Variants in DORIP1 observed in about 807,000 individuals in gnomAD.
DORIP1 encodes the protein dopamine receptor-interacting protein 1.
At chr14:44,897,376 G>A in the DORIP1 span, 5 of 159,370 alleles carry the variant, frequency 3.1e-5, no homozygotes, top group Non-Finnish European at 4.1e-5. Context: ...GAGCTGCTGT[G>A]GCTCCCGCCG....
the DORIP1 span, chr14:44,901,070 A>G: frequency 4.8e-6 from 5 of 1,042,028 alleles, no homozygotes; most frequent in East Asian, 1.0e-4. Flanking sequence ...AGGACCACAT[A>G]TGCCATGCTG....
chr14:44,904,785 G>C, the DORIP1 span: 1 of 312,564 alleles, frequency 3.2e-6, no homozygotes, highest in Non-Finnish European at 5.7e-6. Context: ...AGTTAACCTT[G>C]GGCCAACAAC....
the DORIP1 span, among the ~76,000 whole-genome samples, chr14:44,898,242 T>C: frequency 6.6e-6 from 1 of 152,182 alleles, no homozygotes; most frequent in Non-Finnish European, 1.5e-5. Context: ...CTCATTTTTA[T>C]TGCAATTTAC....
the DORIP1 span, among the ~76,000 whole-genome samples, chr14:44,899,517 T>G: frequency 6.6e-6 from 1 of 152,228 alleles, no homozygotes; most frequent in South Asian, 2.1e-4. Flanking sequence ...TTACTCCTCA[T>G]GCTGTCTTTC....
the DORIP1 span, chr14:44,900,920 C>T: frequency 3.1e-6 from 5 of 1,608,054 alleles, no homozygotes; most frequent in South Asian, 4.4e-5. Flanking sequence ...CGATGCCCAA[C>T]TCGAGTGCAG....
At chr14:44,905,174 T>A in the DORIP1 span, 1 of 403,494 alleles carries the variant, frequency 2.5e-6, no homozygotes, top group African/African-American at 2.1e-5. Flanking sequence ...GTTCATCTGT[T>A]AAAATATGTT....
the DORIP1 span, chr14:44,904,476 G>C: frequency 1.2e-6 from 2 of 1,611,942 alleles, no homozygotes; most frequent in Non-Finnish European, 1.7e-6. Context: ...TGCAACATTG[G>C]AAATCTGAAG....
chr14:44,898,943 ATGT>A, the DORIP1 span: 1 of 152,214 alleles, frequency 6.6e-6, no homozygotes, highest in Non-Finnish European at 1.5e-5. Flanking sequence ...TGTTGAGTTC[ATGT>A]TGTGTTTGGG....
the DORIP1 span, chr14:44,900,914 G>A: frequency 1.2e-6 from 2 of 1,609,476 alleles, no homozygotes; most frequent in African/African-American, 2.7e-5. Flanking sequence ...AACTGGCGAT[G>A]CCCAACTCGA....
At chr14:44,903,626 T>TAA in the DORIP1 span, 1 of 1,000,738 alleles carries the variant, frequency 1.0e-6, no homozygotes, top group Admixed American at 5.9e-5. Flanking sequence ...AAATGACAAC[T>TAA]AAAAAACTTA....
the DORIP1 span, chr14:44,899,151 G>T: frequency 6.6e-6 from 1 of 152,088 alleles, no homozygotes; most frequent in Non-Finnish European, 1.5e-5. Flanking sequence ...CAATACAATT[G>T]TAAAAAGAAC....
chr14:44,900,974 C>T, the DORIP1 span: 240 of 1,543,934 alleles, frequency 1.6e-4, no homozygotes, highest in Non-Finnish European at 1.9e-4. Flanking sequence ...GTTGGTCTAA[C>T]GTCTGTTTTG....
chr14:44,900,333 G>A, the DORIP1 span: 4 of 1,132,636 alleles, frequency 3.5e-6, no homozygotes, highest in Non-Finnish European at 4.7e-6. Flanking sequence ...AACCACATTT[G>A]ATTTGAGTCT....
At chr14:44,903,493 T>C in the DORIP1 span, 47 of 1,192,668 alleles carry the variant, frequency 3.9e-5, no homozygotes, top group Non-Finnish European at 1.2e-5. Context: ...GCAAATACCT[T>C]TTCTTTTTTC....
At chr14:44,898,645 CG>C in the DORIP1 span, among the ~76,000 whole-genome samples, 2 of 152,074 alleles carry the variant, frequency 1.3e-5, no homozygotes, top group Non-Finnish European at 2.9e-5. Flanking sequence ...GTATCTATTA[CG>C]AAGAAACTGA....
the DORIP1 span, chr14:44,905,280 G>A: frequency 1.5e-4 from 133 of 896,086 alleles, 1 homozygote; most frequent in South Asian, 3.1e-4. Context: ...CAATGTCAAT[G>A]TTTTTATTCC....
the DORIP1 span, among the ~76,000 whole-genome samples, chr14:44,897,813 G>A: frequency 5.9e-3 from 901 of 152,304 alleles, 9 homozygotes; most frequent in African/African-American, 0.02. Flanking sequence ...GGGGCTCCCC[G>A]GGGGCGCACG....
At chr14:44,905,695 A>G in the DORIP1 span, 10 of 510,994 alleles carry the variant, frequency 2.0e-5, no homozygotes, top group Admixed American at 3.9e-4. Flanking sequence ...AACCCCAGGT[A>G]AATGTTTTAT....
At chr14:44,902,759 T>C in the DORIP1 span, among the ~76,000 whole-genome samples, 1 of 152,158 alleles carries the variant, frequency 6.6e-6, no homozygotes, top group Non-Finnish European at 1.5e-5. Context: ...TGCCTACTTT[T>C]TAAAAAATCC....
Sources: allele counts gnomAD v4.1 joint callset (sites outside exome capture counted in the v4.1 genomes callset), GRCh38; gene constraint gnomAD v4.1.1; transcripts MANE v1.5; gene names NCBI Gene and HGNC (gene_info 2026-07-23, HGNC 2026-07-21).